The following TBL1XR1 variants were observed in gnomAD, a reference collection of about 807,000 sequenced individuals.
TBL1XR1 encodes TBL1X/Y related 1.
In TBL1XR1, 5 loss-of-function variants were observed where a neutral mutation model predicts 66.9. That is an observed-to-expected ratio of 0.07 (90% CI 0.04 to 0.16). The LOEUF is 0.16. Ranked by LOEUF, TBL1XR1 falls within the 10% of genes least tolerant of loss-of-function variation. TBL1XR1 has a pLI of 1.00. For missense variants in TBL1XR1, 238 were observed against 623.2 expected, an observed-to-expected ratio of 0.38 and a Z score of 6.58; for synonymous variants, 210 against 206.0, an observed-to-expected ratio of 1.02 and a Z score of -0.17.
chr3:177,146,126 C>CTGCT (rs1305665369), intron 1 of TBL1XR1, among the ~76,000 whole-genome samples: 1 of 152,142 alleles, frequency 6.6e-6, no homozygotes, highest in Non-Finnish European at 1.5e-5. Flanking sequence ...CATATGTGAT[C>CTGCT]TGCTTAGTTC....
chr3:177,131,046 A>G (rs1170133107), intron 1 of TBL1XR1, among the ~76,000 whole-genome samples: 2 of 152,226 alleles, frequency 1.3e-5, no homozygotes, highest in Non-Finnish European at 2.9e-5. Context: ...AGTCAGTAGC[A>G]CAATGGCAAC....
At chr3:177,122,347 T>C (rs1286456018) in intron 1 of TBL1XR1, among the ~76,000 whole-genome samples, 1 of 149,508 alleles carries the variant, frequency 6.7e-6, no homozygotes, top group African/African-American at 2.5e-5. Flanking sequence ...CAGTTAAGAA[T>C]GTCACGCCTG....
At chr3:177,134,099 G>T (rs957268646) in intron 1 of TBL1XR1, among the ~76,000 whole-genome samples, 1 of 152,054 alleles carries the variant, frequency 6.6e-6, no homozygotes, top group African/African-American at 2.4e-5. Context: ...TAAAGAGAGA[G>T]AAATTATACA....
intron 1 of TBL1XR1, among the ~76,000 whole-genome samples, chr3:177,141,918 C>T (rs977322619): frequency 4.6e-5 from 7 of 152,118 alleles, no homozygotes; most frequent in African/African-American, 9.7e-5. Flanking sequence ...ACTGTGAGGA[C>T]GTTATGCTAA....
At chr3:177,123,050 T>C (rs1163047037) in intron 1 of TBL1XR1, among the ~76,000 whole-genome samples, 1 of 152,040 alleles carries the variant, frequency 6.6e-6, no homozygotes, top group African/African-American at 2.4e-5. Flanking sequence ...TATCTTTTAA[T>C]TGAGAGGAGG....
intron 2 of TBL1XR1, among the ~76,000 whole-genome samples, chr3:177,089,994 G>A (rs763869193): frequency 6.6e-6 from 1 of 152,186 alleles, no homozygotes; most frequent in Non-Finnish European, 1.5e-5. Flanking sequence ...AGGGAACCTC[G>A]TATATTGCTG....
At chr3:177,194,277 T>C (rs1210992109) in intron 1 of TBL1XR1, among the ~76,000 whole-genome samples, 1 of 152,214 alleles carries the variant, frequency 6.6e-6, no homozygotes, top group Non-Finnish European at 1.5e-5. Flanking sequence ...AAAGTATAAA[T>C]GTCTCGTGTT....
chr3:177,135,389 A>AC (rs1728876417), intron 1 of TBL1XR1, among the ~76,000 whole-genome samples: 2 of 81,972 alleles, frequency 2.4e-5, no homozygotes, highest in Non-Finnish European at 2.4e-5. Flanking sequence ...ATATGTATGT[A>AC]TTTTTTTTTT....
chr3:177,123,360 C>A (rs1318273018), intron 1 of TBL1XR1, among the ~76,000 whole-genome samples: 4 of 151,986 alleles, frequency 2.6e-5, no homozygotes, highest in Non-Finnish European at 5.9e-5. Flanking sequence ...CATACCTACA[C>A]CAACATCACT....
chr3:177,050,726 A>G, intron 5 of TBL1XR1, 116 bp from the exon 6 acceptor site: 1 of 1,121,340 alleles, frequency 8.9e-7, no homozygotes, highest in Non-Finnish European at 1.3e-6. Context: ...AACATTTTTC[A>G]ATTATATCCA....
At chr3:177,131,446 A>G in intron 1 of TBL1XR1, 1 of 947,660 alleles carries the variant, frequency 1.1e-6, no homozygotes, top group Non-Finnish European at 1.3e-6. Context: ...ACTTATTCCC[A>G]CACCTAAAAG....
At chr3:177,159,264 G>A (rs985839769) in intron 1 of TBL1XR1, among the ~76,000 whole-genome samples, 2 of 152,054 alleles carry the variant, frequency 1.3e-5, no homozygotes, top group African/African-American at 4.8e-5. Context: ...GAAAGAAGTA[G>A]CTACTTGAAA....
intron 10 of TBL1XR1, among the ~76,000 whole-genome samples, chr3:177,040,396 G>A (rs970278241): frequency 1.3e-5 from 2 of 152,316 alleles, no homozygotes; most frequent in African/African-American, 2.4e-5. Context: ...GATTAGAGAC[G>A]TCTGTGGAAA....
chr3:177,079,103 TTGGCTG>T (rs1268769937), intron 2 of TBL1XR1, among the ~76,000 whole-genome samples: 1 of 151,668 alleles, frequency 6.6e-6, no homozygotes, highest in Non-Finnish European at 1.5e-5. Context: ...CATCACACTG[TTGGCTG>T]ATTATTTCTT....
intron 12 of TBL1XR1, among the ~76,000 whole-genome samples, chr3:177,034,824 G>A (rs1714538551): frequency 6.6e-6 from 1 of 151,382 alleles, no homozygotes; most frequent in African/African-American, 2.4e-5. Context: ...GTAGAAAAAA[G>A]TAGTCAAAGT....
At chr3:177,044,411 A>G in intron 10 of TBL1XR1, among the ~76,000 whole-genome samples, 1 of 152,174 alleles carries the variant, frequency 6.6e-6, no homozygotes, top group Non-Finnish European at 1.5e-5. Flanking sequence ...TATATTTTGT[A>G]TATTGCAGGA....
chr3:177,159,113 A>G (rs2108881867), intron 1 of TBL1XR1, among the ~76,000 whole-genome samples: 1 of 152,310 alleles, frequency 6.6e-6, no homozygotes, highest in African/African-American at 2.4e-5. Flanking sequence ...TGGTAAAGAC[A>G]GTTTTTACTT....
intron 14 of TBL1XR1, among the ~76,000 whole-genome samples, chr3:177,031,378 G>A (rs563709391): frequency 4.0e-5 from 6 of 149,998 alleles, no homozygotes; most frequent in African/African-American, 7.3e-5. Context: ...TCTGTTGCCC[G>A]GGCTGGAGTG....
chr3:177,165,393 AATACT>A (rs1184221884), intron 1 of TBL1XR1, among the ~76,000 whole-genome samples: 1 of 152,228 alleles, frequency 6.6e-6, no homozygotes, highest in Non-Finnish European at 1.5e-5. Context: ...TAGAAGACTC[AATACT>A]GTCAAGATGT....
Sources: gnomAD v4.1 joint callset for allele counts (sites outside exome capture counted in the v4.1 genomes callset) on GRCh38, gnomAD v4.1.1 for gene constraint, MANE v1.5 for transcripts, NCBI Gene and HGNC (gene_info 2026-07-23, HGNC 2026-07-21) for gene names.